The following SHROOM1 variants were observed in gnomAD, a reference collection of about 807,000 sequenced individuals.
SHROOM1 encodes shroom family member 1.
A neutral mutation model predicts 64.2 loss-of-function variants in SHROOM1; 53 were observed. That is an observed-to-expected ratio of 0.83 (90% confidence interval 0.66 to 1.04). The LOEUF (loss-of-function observed/expected upper bound fraction) is 1.04, where lower values mean the gene tolerates loss of function less well. Among genes scored for constraint, SHROOM1 ranks in the 50% least tolerant of loss-of-function variants. The probability of loss-of-function intolerance (pLI) is 0.00; values close to 1 mark genes in which losing one functional copy is unlikely to be tolerated. For missense variants in SHROOM1, 1,179 were observed against 1,163.2 expected (o/e 1.01, Z -0.20); for synonymous variants, 490 against 518.9 (o/e 0.94, Z 0.76).
rs1581233005 is a variant in SHROOM1 at position 132,825,769 on chromosome 5, G to A, written c.372C>T (p.Ala124=). 8.1e-7 allele frequency: 1 copy of A among 1,241,246 alleles called. No individual in the cohort carries two copies. The highest frequency in any genetic ancestry group is 1.0e-6 in the Non-Finnish European group (1 of 995,760). The allele number at this position is 1,241,246 out of a possible 1,614,324, so 76.9% of individuals were successfully genotyped here. Residue 124 remains alanine, a synonymous_variant, in exon 4 of 10, where the codon GCC becomes GCT. Transcript: ENST00000378679. The surrounding 1 kb of genome is among the most constrained non-coding windows in gnomAD (Gnocchi z 5.1). ...LLYALAAEAE[A]AAQAAEPPSP... is the part of the protein sequence containing the mutation. The stretch of plus-strand genomic sequence containing the variant: ...TGGGCGGCTCGGCAGCCTGCGCCGC[G>A]GCCTCCGCCTCGGCCGCCAGCGCGT...
rs1217451730 is a variant in SHROOM1, at chr5:132,825,829, C to T, written c.312G>A (p.Pro104=). The change falls in exon 4 of 10, where the codon CCG becomes CCA. Residue 104 remains proline (P), a synonymous_variant. Coordinates refer to ENST00000378679, the MANE Select transcript of SHROOM1 (RefSeq NM_001172700.2). The surrounding 1 kb of genome is among the most constrained non-coding windows in gnomAD (Gnocchi z 5.1). ...GGGTGGCCTGCCTGTTCAGTGGTCC[C>T]GGGGTCCCCGGGACCTCTGTTGGCT... ...GPQPTEVPGT[P]GPLNRQATPL... The T allele has an allele frequency of 5.5e-6, 7 of 1,262,526 alleles. No individual in the cohort carries two copies. Among genetic ancestry groups the T allele is most frequent in the African/African-American group, 4.7e-5 (3 of 64,212 alleles). 78.2% of individuals were successfully genotyped at this position (1,262,526 alleles called of 1,614,324 possible).
rs1758652658 is a variant in SHROOM1 at position 132,825,544 on chromosome 5, C to G, written c.597G>C (p.Ala199=). The G allele has an allele frequency of 7.0e-7, 1 of 1,429,958 alleles. No individual in the cohort carries two copies. The highest frequency in any genetic ancestry group is 2.9e-5 in the Admixed American group (1 of 34,208). The allele number at this position is 1,429,958 out of a possible 1,614,324, so 88.6% of individuals were successfully genotyped here. ...LSHPGGEGEP[A]RSRAPAPGTA... ...TTCCTGGCGCGGGAGCCCGGGAGCG[C>G]GCCGGCTCCCCCTCCCCGCCCGGGT... The change falls in exon 4 of 10, where the codon GCG becomes GCC. Residue 199 remains alanine (A), a synonymous_variant. Coordinates refer to ENST00000378679, the MANE Select transcript of SHROOM1 (RefSeq NM_001172700.2). The surrounding 1 kb of genome is among the most constrained non-coding windows in gnomAD (Gnocchi z 5.1).
Position 132,824,793 on chromosome 5 carries a change from T to A in SHROOM1, c.1063A>T (p.Met355Leu), listed in dbSNP as rs751439746. ...CTCTGGGGTAACTCTGCAGGATACATCACCGCAGCCTCTTTCTGAGGCAAG... is the reference window on the plus strand; with the variant it reads ...CTCTGGGGTAACTCTGCAGGATACAACACCGCAGCCTCTTTCTGAGGCAAG... ...RFLPQKEAAVMYPAELPQSSP... is the reference protein window; with the variant it reads ...RFLPQKEAAVLYPAELPQSSP... Residue 355 changes from methionine (M) to leucine (L), a missense_variant, in exon 6 of 10, where the codon ATG becomes TTG. Physicochemically the swap from Met to Leu is conservative, Grantham distance 15 (BLOSUM62 2). Transcript: ENST00000378679. 1 of 1,613,954 alleles carries A rather than the reference T, an allele frequency of 6.2e-7. No homozygotes were observed. Among genetic ancestry groups the A allele is most frequent in the Non-Finnish European group, 8.5e-7 (1 of 1,180,028 alleles).
intron 2 of SHROOM1, 91 bp downstream of exon 2, chr5:132,827,370 A>C (rs1425080805): frequency 1.3e-5 from 2 of 152,414 alleles, no homozygotes; most frequent in African/African-American, 4.8e-5. Flanking sequence ...TAATCCCAGC[A>C]CTTTGGGAGG....
chr5:132,826,088 C>G lies in SHROOM1; in HGVS notation c.53G>C (p.Ser18Thr). 4 of 1,412,248 alleles carry G rather than the reference C, an allele frequency of 2.8e-6. 1 individual carries two copies. The highest frequency in any genetic ancestry group is 3.7e-6 in the Non-Finnish European group (4 of 1,084,064). The allele number at this position is 1,412,248 out of a possible 1,614,324, so 87.5% of individuals were successfully genotyped here. ...GGACAGATGCCACAGGTCCAGGCTG[C>G]TAGTGGACGAGGCCGGGGAGGCGCG... The part of the protein sequence containing the change: ...GDRASPASST[S>T]SLDLWHLSMR... The change falls in exon 4 of 10, where the codon AGC (serine) becomes ACC (threonine). Residue 18 changes from serine to threonine, a missense_variant. Physicochemically the swap from Ser to Thr is moderately conservative, Grantham distance 58 (BLOSUM62 1). Coordinates refer to ENST00000378679, the MANE Select transcript of SHROOM1 (RefSeq NM_001172700.2).
Position 132,824,774 on chromosome 5 carries a change from G to T in SHROOM1, c.1082C>A (p.Pro361His), listed in dbSNP as rs1342910339. Residue 361 changes from proline (P) to histidine (H), a missense_variant, in exon 6 of 10, where the codon CCC becomes CAC. Transcript: ENST00000378679. The part of the protein sequence containing the change: ...EAAVMYPAEL[P>H]QSSPADSEQR... ...TTCACTGTCAGCAGGGCTGCTCTGGGGTAACTCTGCAGGATACATCACCGC... is the reference window on the plus strand; with the variant it reads ...TTCACTGTCAGCAGGGCTGCTCTGGTGTAACTCTGCAGGATACATCACCGC... The T allele has an allele frequency of 1.2e-6, 2 of 1,614,088 alleles. No individual in the cohort carries two copies. Among genetic ancestry groups the T allele is most frequent in the South Asian group, 1.1e-5 (1 of 91,072 alleles).
Position 132,830,465 on chromosome 5 carries a change from T to A in SHROOM1, c.-501+129A>T, listed in dbSNP as rs1460191750. ...AGCCAGACACGTCCCGGCCGAACGA[T>A]GCCCGGGCTGCCCCGCGACCACCGC... On this transcript the variant is annotated intron_variant, in intron 1 of 9. Transcript: ENST00000378679. The surrounding 1 kb of genome is among the most constrained non-coding windows in gnomAD (Gnocchi z 5.9). 20 of 984,360 alleles carry A rather than the reference T, an allele frequency of 2.0e-5. No individual in the cohort carries two copies. The highest frequency in any genetic ancestry group is 2.4e-5 in the Non-Finnish European group (20 of 829,700). The allele number at this position is 984,360 out of a possible 1,614,324, so 61.0% of individuals were successfully genotyped here. A position where few individuals can be genotyped will look rare whatever the true frequency, so the allele number is the denominator to read the frequency against.
At position 132,824,141 on chromosome 5, in the gene SHROOM1, G is replaced by C. The variant is rs1283586207; in HGVS notation, c.1520C>G (p.Ala507Gly). The change falls in exon 7 of 10, where the codon GCC becomes GGC. Residue 507 changes from alanine (A) to glycine (G), a missense_variant. Physicochemically the swap from Ala to Gly is moderately conservative, Grantham distance 60 (BLOSUM62 0). Coordinates refer to ENST00000378679, the MANE Select transcript of SHROOM1 (RefSeq NM_001172700.2). ...SDLLKPVPAD[A>G]LGLSGNDTPG... ...AGTATCATTGCCTGAAAGTCCCAAG[G>C]CATCAGCTGGGACAGGTTTGAGGAG... 4.3e-6 allele frequency: 7 copies of C among 1,614,094 alleles called. No individual in the cohort carries two copies. The highest frequency in any genetic ancestry group is 2.5e-6 in the Non-Finnish European group (3 of 1,180,042).
At position 132,826,030 on chromosome 5, in the gene SHROOM1, G is replaced by A; in HGVS notation, c.111C>T (p.Ser37=). The A allele has an allele frequency of 6.5e-7, 1 of 1,532,124 alleles. No homozygotes were observed. Among genetic ancestry groups the A allele is most frequent in the Non-Finnish European group, 8.8e-7 (1 of 1,141,302 alleles). The allele number at this position is 1,532,124 out of a possible 1,614,324, so 94.9% of individuals were successfully genotyped here. ...GCGGCTCGGGGCCGCCGGAGGCTGC[G>A]GAGAAAGAGCTGTAGGCCGAGTCCG... ...MRADSAYSSF[S]AASGGPEPRT... Residue 37 remains serine (S), a synonymous_variant, in exon 4 of 10, where the codon TCC becomes TCT. Transcript: ENST00000378679.
chr5:132,826,016 C>A lies in SHROOM1; in HGVS notation c.125G>T (p.Gly42Val). The A allele has an allele frequency of 6.5e-7, 1 of 1,532,562 alleles. No individual in the cohort carries two copies. The highest frequency in any genetic ancestry group is 1.2e-5 in the South Asian group (1 of 80,818). The allele number at this position is 1,532,562 out of a possible 1,614,324, so 94.9% of individuals were successfully genotyped here. A position where few individuals can be genotyped will look rare whatever the true frequency, so the allele number is the denominator to read the frequency against. ...AYSSFSAASG[G>V]PEPRTQSPGT... ...CGGCGACTGCGTGCGCGGCTCGGGG[C>A]CGCCGGAGGCTGCGGAGAAAGAGCT... The change falls in exon 4 of 10, where the codon GGC (glycine) becomes GTC (valine). Residue 42 changes from glycine to valine, a missense_variant. By Grantham distance (109) the Gly-to-Val change is moderately radical. Coordinates refer to ENST00000378679, the MANE Select transcript of SHROOM1 (RefSeq NM_001172700.2).
rs909391582 is a variant in SHROOM1, at chr5:132,823,053, G to A, written c.2302C>T (p.Arg768Trp). The A allele has an allele frequency of 2.1e-5, 34 of 1,596,610 alleles. No individual in the cohort carries two copies. Among genetic ancestry groups the A allele is most frequent in the Non-Finnish European group, 2.9e-5 (34 of 1,178,214 alleles). The change falls in exon 10 of 10, where the codon CGG becomes TGG. Residue 768 changes from arginine to tryptophan, a missense_variant. By Grantham distance (101) the Arg-to-Trp change is moderately radical. Coordinates refer to ENST00000378679, the MANE Select transcript of SHROOM1 (RefSeq NM_001172700.2). The surrounding 1 kb of genome is among the most constrained non-coding windows in gnomAD (Gnocchi z 4.6). ...ACCTCCCGCACGGCCCGCTCGCGCC[G>A]CGCTACGTGCTCCTTCAGCTCCTTG... ...DAKELKEHVA[R>W]RERAVREVLV...
Position 132,826,073 on chromosome 5 carries a change from C to T in SHROOM1, c.68G>A (p.Trp23Ter), listed in dbSNP as rs761039782. Residue 23 changes from tryptophan to a stop codon, truncating the protein, a stop_gained, in exon 4 of 10, where the codon TGG (tryptophan) becomes TAG (stop). Coordinates refer to ENST00000378679, the MANE Select transcript of SHROOM1 (RefSeq NM_001172700.2). LOFTEE classifies it high-confidence loss of function. ...PASSTSSLDL[W>*]HLSMRADSAY... ...CGAGTCCGCGCGCATGGACAGATGC[C>T]ACAGGTCCAGGCTGCTAGTGGACGA... is the stretch of plus-strand genomic sequence containing the variant. 4.8e-6 allele frequency: 7 copies of T among 1,443,922 alleles called. No homozygotes were observed. The Admixed American group carries it at 1.3e-4, about 27-fold the overall frequency. The allele number at this position is 1,443,922 out of a possible 1,614,324, so 89.4% of individuals were successfully genotyped here.
chr5:132,823,652 C>T lies in SHROOM1; in HGVS notation c.1924G>A (p.Ala642Thr), dbSNP rs761222329. Residue 642 changes from alanine to threonine, a missense_variant, in exon 8 of 10, where the codon GCA becomes ACA. Physicochemically the swap from Ala to Thr is moderately conservative, Grantham distance 58. Transcript: ENST00000378679. The surrounding 1 kb of genome is among the most constrained non-coding windows in gnomAD (Gnocchi z 4.6). ...TTGCCCTGGATGCTGTTGTTTGGTG[C>T]AGGGAGCCCCTGCCCACATGGCTGG... ...LDQPCGQGLP[A>T]PNNSIQGKKV... The T allele has an allele frequency of 1.1e-5, 17 of 1,606,464 alleles. No individual in the cohort carries two copies. The Admixed American group carries it at 2.7e-4, about 26-fold the overall frequency.
chr5:132,823,182 G>A lies in SHROOM1; in HGVS notation c.2227-54C>T. On this transcript the variant is annotated intron_variant, in intron 9 of 9. Coordinates refer to ENST00000378679, the MANE Select transcript of SHROOM1 (RefSeq NM_001172700.2). This position sits in a 1 kb window ranked among gnomAD's most constrained non-coding sequence, Gnocchi z 4.6. The stretch of plus-strand genomic sequence containing the variant: ...CCGGGTGAGGGCGCCGCCGCTCCCG[G>A]AATGGTTCCAGCCGGAGACAGCAGG... 1 of 1,548,852 alleles carries A rather than the reference G, an allele frequency of 6.5e-7. No individual in the cohort carries two copies. Among genetic ancestry groups the A allele is most frequent in the East Asian group, 2.3e-5 (1 of 44,400 alleles).
rs953659192 is a variant in SHROOM1 at position 132,823,005 on chromosome 5, C to G, written c.2350G>C (p.Glu784Gln). ...REVLVRALPV[E>Q]ELRVYCALLA... is the part of the protein sequence containing the mutation. The stretch of plus-strand genomic sequence containing the variant: ...AGGGCGCAATAGACGCGCAGCTCCT[C>G]CACCGGTAGTGCTCGCACCAGCACC... Residue 784 changes from glutamate to glutamine, a missense_variant, in exon 10 of 10, where the codon GAG (glutamate) becomes CAG (glutamine). Glu to Gln is a conservative substitution (Grantham distance 29, BLOSUM62 2). Coordinates refer to ENST00000378679, the MANE Select transcript of SHROOM1 (RefSeq NM_001172700.2). The surrounding 1 kb of genome is among the most constrained non-coding windows in gnomAD (Gnocchi z 4.6). 2 of 1,605,038 alleles carry G rather than the reference C, an allele frequency of 1.2e-6. No homozygotes were observed. The highest frequency in any genetic ancestry group is 1.7e-6 in the Non-Finnish European group (2 of 1,179,678).
At chr5:132,829,791 G>A (rs1463334083) in intron 1 of SHROOM1, 4 of 985,332 alleles carry the variant, frequency 4.1e-6, no homozygotes, top group Non-Finnish European at 4.8e-6. Flanking sequence ...CGGACGTTCT[G>A]GGAAGTTCAC....
In SHROOM1 at chr5:132,823,326, A is replaced by G; in HGVS notation, c.2150T>C (p.Leu717Pro). 1 of 1,604,942 alleles carries G rather than the reference A, an allele frequency of 6.2e-7. No individual in the cohort carries two copies. The highest frequency in any genetic ancestry group is 8.5e-7 in the Non-Finnish European group (1 of 1,179,568). The part of the protein sequence containing the change: ...ADLERVLGLL[L>P]LLGSRLARVR... ...GCGCGCCAGGCGACTGCCCAGCAGC[A>G]GCAGAAGGCCAAGCACGCGCTCTAG... is the stretch of plus-strand genomic sequence containing the variant. Residue 717 changes from leucine to proline, a missense_variant, in exon 9 of 10, where the codon CTG (leucine) becomes CCG (proline). Leu to Pro is a moderately conservative substitution (Grantham distance 98, BLOSUM62 -3). Transcript: ENST00000378679. This position sits in a 1 kb window ranked among gnomAD's most constrained non-coding sequence, Gnocchi z 4.6.
chr5:132,830,420 C>A lies in SHROOM1; in HGVS notation c.-501+174G>T. 1 of 985,024 alleles carries A rather than the reference C, an allele frequency of 1.0e-6. No individual in the cohort carries two copies. Among genetic ancestry groups the A allele is most frequent in the Non-Finnish European group, 1.2e-6 (1 of 829,792 alleles). 61.0% of individuals were successfully genotyped at this position (985,024 alleles called of 1,614,324 possible). On this transcript the variant is annotated intron_variant, in intron 1 of 9. Coordinates refer to ENST00000378679, the MANE Select transcript of SHROOM1 (RefSeq NM_001172700.2). The surrounding 1 kb of genome is among the most constrained non-coding windows in gnomAD (Gnocchi z 5.9). ...GCGCGCTGGGGTCCGACTCCACTGG[C>A]GCAACCTGACGCGGCGCCGAGCCAG...
rs1758484205 is a variant in SHROOM1 at position 132,822,728 on chromosome 5, A to T, written c.*68T>A. ...ATCCCTCAAGGGAAAAGCAGAGACTAAATCAGCATCACCCCACTTACGTGG... is the reference window on the plus strand; with the variant it reads ...ATCCCTCAAGGGAAAAGCAGAGACTTAATCAGCATCACCCCACTTACGTGG... On this transcript the variant is annotated 3_prime_UTR_variant, in exon 10 of 10. Transcript: ENST00000378679. 2 of 1,465,746 alleles carry T rather than the reference A, an allele frequency of 1.4e-6. No homozygotes were observed. Among genetic ancestry groups the T allele is most frequent in the Admixed American group, 4.5e-5 (2 of 44,360 alleles). 90.8% of individuals were successfully genotyped at this position (1,465,746 alleles called of 1,614,324 possible).
Sources: gnomAD v4.1 joint callset for allele counts on GRCh38, gnomAD v4.1.1 for gene constraint, Gnocchi (gnomAD v3.1) non-coding constraint, MANE v1.5 for transcripts, NCBI Gene and HGNC (gene_info 2026-07-23, HGNC 2026-07-21) for gene names.